The following ZNF326 variants were observed in gnomAD, a reference collection of about 807,000 sequenced individuals.
ZNF326 encodes the protein DBIRD complex subunit ZNF326.
In ZNF326, 30 loss-of-function variants were observed where a neutral mutation model predicts 63.1. The observed-to-expected ratio is 0.48, with a 90% CI of 0.36 to 0.64. ZNF326 has a LOEUF of 0.64. ZNF326 is among the 30% of genes least tolerant of loss of function. The pLI, the probability that ZNF326 is intolerant of heterozygous loss-of-function variation, is 0.00. For missense variants in ZNF326, 609 were observed against 720.3 expected (o/e 0.85, Z 1.77); for synonymous variants, 194 against 228.2 (o/e 0.85, Z 1.35).
In ZNF326 at chr1:90,033,869, T is replaced by C. The variant is rs1302686805; in HGVS notation, c.*6168T>C. ...GGTAAATACTATGCAATAAATATTTTTGAATGTATGTATGTATGTTACAGT... is the reference window on the plus strand; with the variant it reads ...GGTAAATACTATGCAATAAATATTTCTGAATGTATGTATGTATGTTACAGT... On this transcript the variant is annotated 3_prime_UTR_variant, in exon 12 of 12. Coordinates refer to ENST00000340281, the MANE Select transcript of ZNF326 (RefSeq NM_182976.4). 6.6e-6 allele frequency: 1 copy of C among 151,984 alleles called. No homozygotes were observed. Among genetic ancestry groups the C allele is most frequent in the Non-Finnish European group, 1.5e-5 (1 of 67,952 alleles). 9.4% of individuals were successfully genotyped at this position (151,984 alleles called of 1,614,324 possible).
At chr1:89,995,793 G>C (rs1333690811) in intron 1 of ZNF326, among the ~76,000 whole-genome samples, 1 of 152,244 alleles carries the variant, frequency 6.6e-6, no homozygotes, top group Admixed American at 6.5e-5. Context: ...GTGTCTGTAA[G>C]TGATATGTAT....
rs146297994 is a variant in ZNF326 at position 90,027,617 on chromosome 1, A to G, written c.1665A>G (p.Glu555=). ...GVVGEVEGVG[E]VEEVEELEEE... ...TGGGAGAAGTAGAGGGAGTGGGGGA[A>G]GTAGAGGAAGTAGAGGAATTAGAGG... The change falls in exon 12 of 12, where the codon GAA becomes GAG. Residue 555 remains glutamate, a synonymous_variant. Coordinates refer to ENST00000340281, the MANE Select transcript of ZNF326 (RefSeq NM_182976.4). The G allele has an allele frequency of 1.1e-4, 184 of 1,613,318 alleles. No individual in the cohort carries two copies. Among genetic ancestry groups the G allele is most frequent in the Non-Finnish European group, 1.5e-4 (177 of 1,179,764 alleles).
At chr1:90,004,730 A>C (rs1648874207) in intron 2 of ZNF326, among the ~76,000 whole-genome samples, 1 of 151,970 alleles carries the variant, frequency 6.6e-6, no homozygotes, top group Non-Finnish European at 1.5e-5. Context: ...CAGTCTCAAA[A>C]GAAAATAAAA....
rs370620283 is a variant in ZNF326, at chr1:90,013,110, T to C, written c.815-16T>C. On this transcript the variant is annotated splice_polypyrimidine_tract_variant and intron_variant, in intron 6 of 11. Transcript: ENST00000340281. ...AAAATGAATTTTAGCTTTTACTTTT[T>C]TGTGTAATATCCTAGCAAAAACTGA... 6.3e-7 allele frequency: 1 copy of C among 1,591,150 alleles called. No individual in the cohort carries two copies. The highest frequency in any genetic ancestry group is 1.4e-5 in the African/African-American group (1 of 73,514).
chr1:90,024,074 C>A (rs191539688), intron 11 of ZNF326, among the ~76,000 whole-genome samples: 1 of 152,262 alleles, frequency 6.6e-6, no homozygotes, highest in Non-Finnish European at 1.5e-5. Context: ...ATTCAGCATG[C>A]CTGTCTGCTG....
At chr1:90,012,742 T>C (rs539703617) in intron 6 of ZNF326, among the ~76,000 whole-genome samples, 2 of 152,208 alleles carry the variant, frequency 1.3e-5, no homozygotes, top group South Asian at 4.1e-4. Context: ...TTTACTGGAC[T>C]TCCATTTTCA....
At chr1:90,016,250 T>A (rs899725310) in intron 7 of ZNF326, among the ~76,000 whole-genome samples, 5 of 151,786 alleles carry the variant, frequency 3.3e-5, no homozygotes, top group Non-Finnish European at 7.4e-5. Context: ...TTGCCCAAGA[T>A]CACAAAATGG....
Position 90,034,907 on chromosome 1 carries a change from TGTCATG to T in ZNF326, c.*7209_*7214del, listed in dbSNP as rs895161721. On this transcript the variant is annotated 3_prime_UTR_variant, in exon 12 of 12. Transcript: ENST00000340281. ...ACCAATTAAATATCCCAAAATAATG[TGTCATG>T]GTAGAGTAGGGTTTATCTGAAAACT... 7 of 152,156 alleles carry T rather than the reference TGTCATG, an allele frequency of 4.6e-5. No individual in the cohort carries two copies. Among genetic ancestry groups the T allele is most frequent in the African/African-American group, 1.7e-4 (7 of 41,432 alleles). 9.4% of individuals were successfully genotyped at this position (152,156 alleles called of 1,614,324 possible).
Position 90,033,854 on chromosome 1 carries a change from A to G in ZNF326, c.*6153A>G, listed in dbSNP as rs547320354. On this transcript the variant is annotated 3_prime_UTR_variant, in exon 12 of 12. Transcript: ENST00000340281. ...TATATCACAGTGCCAGGTAAATACT[A>G]TGCAATAAATATTTTTGAATGTATG... 6.6e-6 allele frequency: 1 copy of G among 152,200 alleles called. No individual in the cohort carries two copies. Among genetic ancestry groups the G allele is most frequent in the Non-Finnish European group, 1.5e-5 (1 of 67,964 alleles). The allele number at this position is 152,200 out of a possible 1,614,324, so 9.4% of individuals were successfully genotyped here. A position where few individuals can be genotyped will look rare whatever the true frequency, so the allele number is the denominator to read the frequency against.
At chr1:90,016,913 G>T (rs1054176456) in intron 7 of ZNF326, among the ~76,000 whole-genome samples, 1 of 152,132 alleles carries the variant, frequency 6.6e-6, no homozygotes, top group African/African-American at 2.4e-5. Context: ...ATTGTCTGGT[G>T]GTGTGCCACC....
At chr1:90,000,667 T>C (rs982712893) in intron 2 of ZNF326, among the ~76,000 whole-genome samples, 1 of 152,200 alleles carries the variant, frequency 6.6e-6, no homozygotes. Flanking sequence ...ATTGTGCCAC[T>C]GCAGTCCAGC....
In ZNF326 at chr1:89,995,287, C is replaced by T. The variant is rs1414171146; in HGVS notation, c.16+14C>T. 2 of 1,549,668 alleles carry T rather than the reference C, an allele frequency of 1.3e-6. No individual in the cohort carries two copies. Among genetic ancestry groups the T allele is most frequent in the South Asian group, 1.2e-5 (1 of 83,554 alleles). ...ACTTCGAGGACGGTAAGCGCTGCCT[C>T]TGGCTGGTCGGCGCAGCTGGCAGGA... On this transcript the variant is annotated intron_variant, in intron 1 of 11. Transcript: ENST00000340281.
intron 10 of ZNF326, among the ~76,000 whole-genome samples, chr1:90,021,127 A>G (rs1017330604): frequency 2.0e-5 from 3 of 151,768 alleles, no homozygotes; most frequent in Non-Finnish European, 2.9e-5. Context: ...AATCTATAAC[A>G]TGTGTTACGC....
intron 11 of ZNF326, among the ~76,000 whole-genome samples, chr1:90,023,611 G>T (rs750097246): frequency 6.6e-6 from 1 of 152,120 alleles, no homozygotes; most frequent in Non-Finnish European, 1.5e-5. Flanking sequence ...GAGAGGTATG[G>T]CATCAAAAAG....
chr1:90,013,278 GATTTCCTA>G, intron 7 of ZNF326, 41 bp downstream of exon 7: 1 of 1,412,494 alleles, frequency 7.1e-7, no homozygotes, highest in Non-Finnish European at 9.4e-7. Flanking sequence ...ATTAAAAAAT[GATTTCCTA>G]GAAAAAGCCA....
At chr1:90,018,005 A>T (rs771697466) in intron 8 of ZNF326, among the ~76,000 whole-genome samples, 1 of 152,168 alleles carries the variant, frequency 6.6e-6, no homozygotes, top group South Asian at 2.1e-4. Flanking sequence ...TAAAAATACA[A>T]TGATCAGGCC....
intron 11 of ZNF326, 117 bp from the exon 12 acceptor site, chr1:90,027,237 C>T (rs1009657402): frequency 2.2e-6 from 2 of 916,452 alleles, no homozygotes; most frequent in African/African-American, 3.3e-5. Flanking sequence ...TTATAATTTA[C>T]AATGAAAAGT....
chr1:89,998,869 G>A lies in ZNF326; in HGVS notation c.61+715G>A, dbSNP rs560703893. Among the ~76,000 whole-genome samples, 8 of 152,276 alleles carry A rather than the reference G, an allele frequency of 5.3e-5. No homozygotes were observed. In the East Asian group the frequency reaches 5.8e-4, roughly 11 times the overall value. On this transcript the variant is annotated intron_variant, in intron 2 of 11. Coordinates refer to ENST00000340281, the MANE Select transcript of ZNF326 (RefSeq NM_182976.4). ...CAGAGAAATGTAAAATCCAACTTTC[G>A]TACAGAATAGAATATATTCACAAAG... is the stretch of plus-strand genomic sequence containing the variant.
intron 11 of ZNF326, among the ~76,000 whole-genome samples, chr1:90,026,361 C>A (rs1449489625): frequency 6.6e-6 from 1 of 152,114 alleles, no homozygotes; most frequent in Admixed American, 6.6e-5. Context: ...CAGGGCCTTC[C>A]CATTTAAGAC....
Sources: allele counts gnomAD v4.1 joint callset (sites outside exome capture counted in the v4.1 genomes callset), GRCh38; gene constraint gnomAD v4.1.1; transcripts MANE v1.5; gene names NCBI Gene and HGNC (gene_info 2026-07-23, HGNC 2026-07-21).